Variants in TOX2 observed in about 807,000 individuals in gnomAD.
TOX2 encodes TOX high mobility group box family member 2.
In TOX2, 15 loss-of-function variants were observed where a neutral mutation model predicts 47.4. The observed-to-expected ratio is 0.32, with a 90% CI of 0.21 to 0.49. The LOEUF (loss-of-function observed/expected upper bound fraction) is 0.49. TOX2 is among the 20% of genes least tolerant of loss of function. The pLI is 0.99. For synonymous variants in TOX2, 290 were observed against 296.6 expected, an observed-to-expected ratio of 0.98 and a Z score of 0.23; for missense variants, 622 against 673.1, an observed-to-expected ratio of 0.92 and a Z score of 0.84.
chr20:43,965,827 G>C lies in TOX2; in HGVS notation c.100-7540G>C, dbSNP rs187011479. Among the ~76,000 whole-genome samples, 567 of 152,278 alleles carry C rather than the reference G, an allele frequency of 3.7e-3. 1 individual carries two copies. Among genetic ancestry groups the C allele is most frequent in the African/African-American group, 0.013 (543 of 41,540 alleles). ...AGAGGCTGACCTTGAACAGGAGAGA[G>C]ATACCTTTTCAGACTAAAGGAAAGG... is the stretch of plus-strand genomic sequence containing the variant. On this transcript the variant is annotated intron_variant, in intron 1 of 8. Coordinates refer to ENST00000341197, the MANE Select transcript of TOX2 (RefSeq NM_001098797.2).
chr20:43,989,500 C>T (rs1157788861), intron 2 of TOX2, among the ~76,000 whole-genome samples: 1 of 152,140 alleles, frequency 6.6e-6, no homozygotes, highest in Non-Finnish European at 1.5e-5. Flanking sequence ...TATATTAGGG[C>T]TAGGCACAGT....
Position 44,066,027 on chromosome 20 carries a change from GC to G in TOX2, c.1282del (p.Gln428SerfsTer17), listed in dbSNP as rs758050087. 1 of 1,602,422 alleles carries G rather than the reference GC, an allele frequency of 6.2e-7. No individual in the cohort carries two copies. Among genetic ancestry groups the G allele is most frequent in the Non-Finnish European group, 8.5e-7 (1 of 1,175,196 alleles). ...LLSPPVSMSPAPQPPVLPTPM... is the reference protein window; with the variant it reads ...LLSPPVSMSPXPQPPVLPTPM... The stretch of plus-strand genomic sequence containing the variant: ...CAGTCCACCTGTTAGCATGTCCCCA[GC>G]CCCCCAGCCCCCTGTCCTGCCCACC... On this transcript the variant is annotated frameshift_variant, in exon 7 of 9. Coordinates refer to ENST00000341197, the MANE Select transcript of TOX2 (RefSeq NM_001098797.2). LOFTEE classifies it high-confidence loss of function.
intron 5 of TOX2, among the ~76,000 whole-genome samples, chr20:44,055,500 G>A (rs1001796969): frequency 6.6e-6 from 1 of 152,214 alleles, no homozygotes; most frequent in Non-Finnish European, 1.5e-5. Flanking sequence ...CCAGAGAGGA[G>A]ACAATAAGAG....
At chr20:44,039,274 A>C (rs1487569993) in intron 3 of TOX2, 1 of 1,289,330 alleles carries the variant, frequency 7.8e-7, no homozygotes, top group Non-Finnish European at 1.0e-6. Context: ...TGTCCAGTCT[A>C]GAGAGAAGCC....
chr20:43,988,117 A>G (rs2070302966), intron 2 of TOX2, among the ~76,000 whole-genome samples: 1 of 151,794 alleles, frequency 6.6e-6, no homozygotes, highest in African/African-American at 2.4e-5. Flanking sequence ...ACGGGGCTTT[A>G]CCATGTTGGC....
chr20:43,914,963 G>T lies in TOX2; in HGVS notation c.72G>T (p.Ala24=), dbSNP rs1304152100. Residue 24 remains alanine (A), a synonymous_variant, in exon 1 of 9, where the codon GCG becomes GCT. Coordinates refer to ENST00000341197, the MANE Select transcript of TOX2 (RefSeq NM_001098797.2). This position sits in a 1 kb window ranked among gnomAD's most constrained non-coding sequence, Gnocchi z 4.5. ...ARPGAEPAGL[A]HLDYYHGGKF... The stretch of plus-strand genomic sequence containing the variant: ...CCGGGGCCGAGCCGGCCGGCCTGGC[G>T]CACCTGGACTATTACCACGGCGGCA... 6 of 1,254,378 alleles carry T rather than the reference G, an allele frequency of 4.8e-6. No individual in the cohort carries two copies. The highest frequency in any genetic ancestry group is 5.0e-6 in the Non-Finnish European group (5 of 998,760). 77.7% of individuals were successfully genotyped at this position (1,254,378 alleles called of 1,614,324 possible). A position where few individuals can be genotyped will look rare whatever the true frequency, so the allele number is the denominator to read the frequency against.
chr20:43,951,707 G>GTTTTTTTTGTTTTTTTTTTTTTTTTTTTT (rs2069571937), intron 1 of TOX2, among the ~76,000 whole-genome samples: 1 of 55,098 alleles, frequency 1.8e-5, no homozygotes, highest in Non-Finnish European at 3.9e-5. Context: ...AACTTATTAT[G>GTTTTTTTTGTTTTTTTTTTTTTTTTTTTT]TTTTTTTTTT....
intron 1 of TOX2, among the ~76,000 whole-genome samples, chr20:43,954,720 C>T (rs1422270180): frequency 2.6e-5 from 4 of 152,178 alleles, no homozygotes; most frequent in African/African-American, 9.7e-5. Context: ...TGACCCACTC[C>T]CTGTGCTGTC....
At chr20:44,032,303 C>A (rs180950613) in intron 3 of TOX2, among the ~76,000 whole-genome samples, 1 of 152,212 alleles carries the variant, frequency 6.6e-6, no homozygotes, top group African/African-American at 2.4e-5. Context: ...TTCTTCATTG[C>A]GGGGCTGCCC....
chr20:44,027,454 C>G (rs2071083971), intron 3 of TOX2, among the ~76,000 whole-genome samples: 1 of 152,220 alleles, frequency 6.6e-6, no homozygotes, highest in African/African-American at 2.4e-5. Context: ...CTGCCCCATC[C>G]CAGCTTAGGC....
intron 1 of TOX2, chr20:43,955,267 G>A: frequency 1.0e-5 from 10 of 985,486 alleles, no homozygotes; most frequent in Non-Finnish European, 1.2e-5. Flanking sequence ...CTGTGGATCT[G>A]TGCATGTGAG....
At chr20:44,044,194 A>G (rs987930979) in intron 3 of TOX2, among the ~76,000 whole-genome samples, 2 of 151,968 alleles carry the variant, frequency 1.3e-5, no homozygotes, top group African/African-American at 4.8e-5. Context: ...ACCAAACACC[A>G]CGTGTTGTCA....
Position 44,064,779 on chromosome 20 carries a change from C to T in TOX2, c.882C>T (p.Ala294=). The stretch of plus-strand genomic sequence containing the variant: ...TGCTCATGTGTTGACTCTTCCAGGC[C>T]TACAAGAGGAAGACAGAAGCAGCAA... The part of the protein sequence containing the change: ...WDSLGEEQKQ[A]YKRKTEAAKK... The change falls in exon 6 of 9, where the codon GCC becomes GCT. Residue 294 remains alanine, a splice_region_variant and synonymous_variant. Coordinates refer to ENST00000341197, the MANE Select transcript of TOX2 (RefSeq NM_001098797.2). The T allele has an allele frequency of 3.7e-6, 6 of 1,614,122 alleles. No homozygotes were observed. In the South Asian group the frequency reaches 5.5e-5, roughly 15 times the overall value.
chr20:43,914,982 G>C lies in TOX2; in HGVS notation c.91G>C (p.Gly31Arg), dbSNP rs910966533. The C allele has an allele frequency of 1.2e-5, 15 of 1,247,688 alleles. No individual in the cohort carries two copies. The highest frequency in any genetic ancestry group is 1.1e-4 in the African/African-American group (7 of 62,632). The allele number at this position is 1,247,688 out of a possible 1,614,324, so 77.3% of individuals were successfully genotyped here. A position where few individuals can be genotyped will look rare whatever the true frequency, so the allele number is the denominator to read the frequency against. ...CCTGGCGCACCTGGACTATTACCAC[G>C]GCGGCAAGGTAGGCGGGGGCGGGCG... is the stretch of plus-strand genomic sequence containing the variant. The part of the protein sequence containing the change: ...AGLAHLDYYH[G>R]GKFDGDSAYV... The change falls in exon 1 of 9, where the codon GGC becomes CGC. Residue 31 changes from glycine to arginine, a missense_variant. Transcript: ENST00000341197. The surrounding 1 kb of genome is among the most constrained non-coding windows in gnomAD (Gnocchi z 4.5).
chr20:43,965,891 T>C (rs1049032199), intron 1 of TOX2, among the ~76,000 whole-genome samples: 1 of 151,652 alleles, frequency 6.6e-6, no homozygotes, highest in African/African-American at 2.4e-5. Context: ...GTAGGGGAGG[T>C]TGGGAGAATT....
intron 1 of TOX2, among the ~76,000 whole-genome samples, chr20:43,966,221 C>A (rs2069850277): frequency 6.6e-6 from 1 of 152,138 alleles, no homozygotes; most frequent in African/African-American, 2.4e-5. Flanking sequence ...GTAGTGGAAC[C>A]AGTCGTCAGA....
chr20:44,050,877 A>G (rs974591688), intron 3 of TOX2, among the ~76,000 whole-genome samples: 1 of 152,192 alleles, frequency 6.6e-6, no homozygotes, highest in Non-Finnish European at 1.5e-5. Context: ...AGCTGGTAGA[A>G]TGGCAGGACC....
At chr20:44,060,045 G>A (rs2071689700) in intron 5 of TOX2, among the ~76,000 whole-genome samples, 1 of 152,088 alleles carries the variant, frequency 6.6e-6, no homozygotes. Flanking sequence ...TAACCTTTAG[G>A]TAAAGGGGTG....
At chr20:43,925,637 G>A (rs928497247) in intron 1 of TOX2, among the ~76,000 whole-genome samples, 41 of 152,304 alleles carry the variant, frequency 2.7e-4, no homozygotes, top group African/African-American at 8.4e-4. Flanking sequence ...CCTCTCTCTG[G>A]GAATGTTCTG....
Sources: gnomAD v4.1 joint callset for allele counts (sites outside exome capture counted in the v4.1 genomes callset) on GRCh38, gnomAD v4.1.1 for gene constraint, Gnocchi (gnomAD v3.1) non-coding constraint, MANE v1.5 for transcripts, NCBI Gene and HGNC (gene_info 2026-07-23, HGNC 2026-07-21) for gene names.